Variants in SLC30A8 observed in about 807,000 individuals in gnomAD.
SLC30A8 encodes solute carrier family 30 member 8.
In SLC30A8, 27 loss-of-function variants were observed where a neutral mutation model predicts 36.9. That is an observed-to-expected ratio of 0.73 (90% CI 0.54 to 1.01). The LOEUF (loss-of-function observed/expected upper bound fraction) is 1.01. Among genes scored for constraint, SLC30A8 ranks in the 50% least tolerant of loss-of-function variants. SLC30A8 has a pLI of 0.00. For missense variants in SLC30A8, 439 were observed against 452.0 expected, an observed-to-expected ratio of 0.97 and a Z score of 0.26; for synonymous variants, 164 against 172.4, an observed-to-expected ratio of 0.95 and a Z score of 0.38.
rs1423954240 is a variant in SLC30A8 at position 117,152,401 on chromosome 8, C to CCCTT, written c.272-542_272-539dup. Among the ~76,000 whole-genome samples, 42 of 152,240 alleles carry CCCTT rather than the reference C, an allele frequency of 2.8e-4. 1 individual carries two copies. The highest frequency in any genetic ancestry group is 1.0e-3 in the African/African-American group (42 of 41,542). On this transcript the variant is annotated intron_variant, in intron 2 of 7. Coordinates refer to ENST00000456015, the MANE Select transcript of SLC30A8 (RefSeq NM_173851.3). ...GAGGACGCCCATTGGAAGGTACCTG[C>CCCTT]CCTTTCTCCTTTCTGCTCCCTGTTA...
At chr8:116,984,650 G>A (rs73312238) in intron 1 of SLC30A8, among the ~76,000 whole-genome samples, 4 of 151,920 alleles carry the variant, frequency 2.6e-5, no homozygotes, top group East Asian at 1.9e-4. Context: ...GGTTGTTTGC[G>A]TTTTATTTTT....
chr8:117,083,770 G>A (rs1253184287), intron 2 of SLC30A8, among the ~76,000 whole-genome samples: 5 of 152,112 alleles, frequency 3.3e-5, no homozygotes, highest in Non-Finnish European at 1.5e-5. Context: ...CAGTAGACAT[G>A]CTGCATGAAT....
chr8:117,020,294 T>C (rs896011178), intron 1 of SLC30A8, among the ~76,000 whole-genome samples: 1 of 152,194 alleles, frequency 6.6e-6, no homozygotes, highest in African/African-American at 2.4e-5. Flanking sequence ...AATAAAATGA[T>C]AAATAATAGA....
intron 1 of SLC30A8, among the ~76,000 whole-genome samples, chr8:117,011,016 A>G (rs1347560479): frequency 6.6e-6 from 1 of 152,152 alleles, no homozygotes; most frequent in Non-Finnish European, 1.5e-5. Context: ...ACAGATCCAA[A>G]CCTTATCAGT....
intron 1 of SLC30A8, among the ~76,000 whole-genome samples, chr8:116,965,082 G>A (rs1158633070): frequency 1.3e-5 from 2 of 152,052 alleles, no homozygotes; most frequent in Admixed American, 6.6e-5. Flanking sequence ...GATTACAGGC[G>A]TGCACCATCA....
intron 2 of SLC30A8, among the ~76,000 whole-genome samples, chr8:117,092,641 G>T (rs1470538000): frequency 6.6e-6 from 1 of 152,204 alleles, no homozygotes. Context: ...GATAGGTAGA[G>T]AAAACTAGCT....
chr8:117,047,343 G>A (rs776997922), intron 2 of SLC30A8, among the ~76,000 whole-genome samples: 6 of 152,308 alleles, frequency 3.9e-5, no homozygotes, highest in African/African-American at 4.8e-5. Flanking sequence ...CTACAAGGCC[G>A]TTGAGTGACA....
chr8:117,019,193 T>C (rs932773288), intron 1 of SLC30A8, among the ~76,000 whole-genome samples: 1 of 152,180 alleles, frequency 6.6e-6, no homozygotes, highest in Admixed American at 6.5e-5. Context: ...TCTTACTCCA[T>C]GTTATATCCT....
At chr8:117,088,433 C>A (rs1039526214) in intron 2 of SLC30A8, among the ~76,000 whole-genome samples, 1 of 152,162 alleles carries the variant, frequency 6.6e-6, no homozygotes, top group Non-Finnish European at 1.5e-5. Context: ...AAAGCTACAG[C>A]CTTCCAACCA....
At chr8:116,997,902 G>C (rs1815874608) in intron 1 of SLC30A8, among the ~76,000 whole-genome samples, 1 of 152,166 alleles carries the variant, frequency 6.6e-6, no homozygotes, top group African/African-American at 2.4e-5. Flanking sequence ...CCAGTCTAAA[G>C]ATGAGACAGG....
intron 1 of SLC30A8, among the ~76,000 whole-genome samples, chr8:117,009,583 T>G (rs1816280971): frequency 6.6e-6 from 1 of 152,214 alleles, no homozygotes. Context: ...CAGGACTCCA[T>G]AGTTACTCTC....
chr8:117,043,830 C>T (rs1182899380), intron 2 of SLC30A8, among the ~76,000 whole-genome samples: 1 of 152,192 alleles, frequency 6.6e-6, no homozygotes, highest in African/African-American at 2.4e-5. Context: ...TTCATAGTTA[C>T]ATTATATGAA....
chr8:117,082,266 C>G (rs16889390), intron 2 of SLC30A8, among the ~76,000 whole-genome samples: 4,489 of 152,074 alleles, frequency 0.03, 152 homozygotes, highest in African/African-American at 0.086. Flanking sequence ...CTTTAAAGCA[C>G]AAGGCACTGT....
chr8:116,953,533 G>A (rs1235443742), intron 1 of SLC30A8, among the ~76,000 whole-genome samples: 2 of 151,908 alleles, frequency 1.3e-5, no homozygotes, highest in Non-Finnish European at 2.9e-5. Flanking sequence ...ATCTTTGGCC[G>A]AATCTTCTCA....
At chr8:116,987,571 C>T (rs939406482) in intron 1 of SLC30A8, among the ~76,000 whole-genome samples, 6 of 151,882 alleles carry the variant, frequency 4.0e-5, no homozygotes, top group Non-Finnish European at 7.4e-5. Flanking sequence ...CATGAAGTTC[C>T]GTCAGCTGTT....
At chr8:117,083,031 A>T (rs1189191020) in intron 2 of SLC30A8, among the ~76,000 whole-genome samples, 1 of 152,220 alleles carries the variant, frequency 6.6e-6, no homozygotes, top group Non-Finnish European at 1.5e-5. Context: ...TGTAGAAACG[A>T]GTAGCTCCGG....
At chr8:117,150,767 G>A (rs1822145381) in intron 2 of SLC30A8, among the ~76,000 whole-genome samples, 2 of 151,898 alleles carry the variant, frequency 1.3e-5, no homozygotes, top group Admixed American at 1.3e-4. Flanking sequence ...CACCACGCTC[G>A]GCTAATTTTT....
intron 1 of SLC30A8, among the ~76,000 whole-genome samples, chr8:116,961,791 C>T (rs1814432624): frequency 6.6e-6 from 1 of 151,832 alleles, no homozygotes; most frequent in Non-Finnish European, 1.5e-5. Context: ...TCCATGAGCC[C>T]TTTTTTTGTG....
At chr8:116,969,060 A>AAGGTGCATG (rs1814696120) in intron 1 of SLC30A8, among the ~76,000 whole-genome samples, 2 of 152,204 alleles carry the variant, frequency 1.3e-5, no homozygotes, top group Non-Finnish European at 1.5e-5. Flanking sequence ...ATTATCAGAG[A>AAGGTGCATG]AGGTGCATGA....
Sources: allele counts gnomAD v4.1 joint callset (sites outside exome capture counted in the v4.1 genomes callset), GRCh38; gene constraint gnomAD v4.1.1; transcripts MANE v1.5; gene names NCBI Gene and HGNC (gene_info 2026-07-23, HGNC 2026-07-21).